Variants in DGKB observed in about 807,000 individuals in gnomAD.
DGKB encodes the protein 90 kDa diacylglycerol kinase.
In DGKB, 67 loss-of-function variants were observed where a neutral mutation model predicts 114.3. That is an observed-to-expected ratio of 0.59 (90% confidence interval 0.48 to 0.72). DGKB has a LOEUF of 0.72. DGKB is among the 30% of genes least tolerant of loss of function. The pLI, the probability that DGKB is intolerant of heterozygous loss-of-function variation, is 0.00. For missense variants in DGKB, 907 were observed against 975.2 expected, an observed-to-expected ratio of 0.93 and a Z score of 0.93; for synonymous variants, 398 against 323.1, an observed-to-expected ratio of 1.23 and a Z score of -2.49.
chr7:14,458,756 G>A (rs1832660628), intron 21 of DGKB, among the ~76,000 whole-genome samples: 1 of 152,154 alleles, frequency 6.6e-6, no homozygotes, highest in African/African-American at 2.4e-5. Flanking sequence ...TGGGTTTCAA[G>A]TACAAAATTG....
At chr7:14,205,488 AC>A (rs1171874263) in intron 23 of DGKB, among the ~76,000 whole-genome samples, 1 of 151,932 alleles carries the variant, frequency 6.6e-6, no homozygotes, top group Non-Finnish European at 1.5e-5. Flanking sequence ...AATCTGGTTC[AC>A]AGAATTGTTT....
At chr7:14,917,636 C>A (rs1372080957) in intron 1 of DGKB, among the ~76,000 whole-genome samples, 1 of 151,886 alleles carries the variant, frequency 6.6e-6, no homozygotes, top group African/African-American at 2.4e-5. Flanking sequence ...CAATGATTAA[C>A]CTTTTAAAGC....
chr7:14,610,433 G>A (rs141504255), intron 16 of DGKB, among the ~76,000 whole-genome samples: 4 of 151,960 alleles, frequency 2.6e-5, no homozygotes, highest in African/African-American at 4.8e-5. Flanking sequence ...TGGGTACTAC[G>A]CTTGCTACCT....
intron 23 of DGKB, among the ~76,000 whole-genome samples, chr7:14,313,921 G>T (rs148495325): frequency 6.6e-6 from 1 of 152,200 alleles, no homozygotes; most frequent in African/African-American, 2.4e-5. Flanking sequence ...CTCCCAGTGC[G>T]CAGCCAGAGA....
At chr7:14,320,055 T>A (rs1318812462) in intron 23 of DGKB, among the ~76,000 whole-genome samples, 2 of 152,190 alleles carry the variant, frequency 1.3e-5, no homozygotes, top group Non-Finnish European at 2.9e-5. Flanking sequence ...AGCCCTTTTT[T>A]AGAAGCACAC....
rs116630766 is a variant in DGKB, at chr7:14,713,402, G to A, written c.466+5140C>T. 7.2e-3 allele frequency among the ~76,000 whole-genome samples: 1,048 copies of A among 146,414 alleles called. 14 individuals are homozygous for A. The highest frequency in any genetic ancestry group is 0.023 in the African/African-American group (968 of 41,252). Reference sequence around the variant, plus strand: ...TTCCACTCTTGTATATTTTGATACTGATTTAATAAACTTTAAAAGCAGAGG... The same window carrying A: ...TTCCACTCTTGTATATTTTGATACTAATTTAATAAACTTTAAAAGCAGAGG... On this transcript the variant is annotated intron_variant, in intron 6 of 25. Transcript: ENST00000402815.
intron 21 of DGKB, among the ~76,000 whole-genome samples, chr7:14,448,101 T>C (rs1374850821): frequency 6.6e-6 from 1 of 152,074 alleles, no homozygotes; most frequent in African/African-American, 2.4e-5. Context: ...CAAGACAGTA[T>C]GCTGAGTGCT....
At chr7:14,599,159 G>A (rs1351788528) in intron 17 of DGKB, among the ~76,000 whole-genome samples, 4 of 152,188 alleles carry the variant, frequency 2.6e-5, no homozygotes, top group Non-Finnish European at 5.9e-5. Flanking sequence ...TTGGAGGGCT[G>A]CCAAACACAT....
chr7:14,571,448 T>G (rs1798369068), intron 20 of DGKB, among the ~76,000 whole-genome samples: 1 of 152,180 alleles, frequency 6.6e-6, no homozygotes, highest in South Asian at 2.1e-4. Context: ...TAGCCTGAGT[T>G]TGTGAAACTG....
intron 23 of DGKB, among the ~76,000 whole-genome samples, chr7:14,225,877 T>C (rs941848533): frequency 6.6e-6 from 1 of 152,002 alleles, no homozygotes; most frequent in South Asian, 2.1e-4. Context: ...ATTTATTTAC[T>C]ACTTAAAAAT....
chr7:14,867,381 C>G (rs896782275), intron 1 of DGKB, among the ~76,000 whole-genome samples: 10 of 151,422 alleles, frequency 6.6e-5, no homozygotes, highest in African/African-American at 2.4e-4. Context: ...CAATTAATTT[C>G]AAGTTAATTT....
At chr7:14,449,959 C>G (rs939542595) in intron 21 of DGKB, among the ~76,000 whole-genome samples, 4 of 151,868 alleles carry the variant, frequency 2.6e-5, no homozygotes, top group South Asian at 2.1e-4. Flanking sequence ...GGAAAGTAAA[C>G]AAAGTAGTGA....
rs947328375 is a variant in DGKB at position 14,167,088 on chromosome 7, G to T, written c.2304+9751C>A. ...TACCTGAGCGTAGTAGTGTGTGCCTGTAGTCCCAGCTACTAGGGAGGCTGA... is the reference window on the plus strand; with the variant it reads ...TACCTGAGCGTAGTAGTGTGTGCCTTTAGTCCCAGCTACTAGGGAGGCTGA... On this transcript the variant is annotated intron_variant, in intron 25 of 25. Transcript: ENST00000402815. Among the ~76,000 whole-genome samples the T allele has an allele frequency of 2.0e-5, 3 of 151,620 alleles. No homozygotes were observed. The Admixed American group carries it at 2.0e-4, about 10-fold the overall frequency.
At chr7:14,852,850 A>G (rs1311838343) in intron 1 of DGKB, among the ~76,000 whole-genome samples, 1 of 152,172 alleles carries the variant, frequency 6.6e-6, no homozygotes, top group African/African-American at 2.4e-5. Flanking sequence ...GCTTAAGAAA[A>G]CAGAAACTTA....
At chr7:14,437,786 T>G (rs1829499455) in intron 21 of DGKB, among the ~76,000 whole-genome samples, 1 of 150,430 alleles carries the variant, frequency 6.6e-6, no homozygotes, top group Non-Finnish European at 1.5e-5. Flanking sequence ...TCCCTAGGGT[T>G]ATCTCGTAAG....
chr7:14,762,490 C>G (rs1835852916), intron 2 of DGKB, among the ~76,000 whole-genome samples: 1 of 152,022 alleles, frequency 6.6e-6, no homozygotes, highest in Admixed American at 6.6e-5. Flanking sequence ...ATTAAAGACC[C>G]TTTACATTAG....
At chr7:14,883,278 G>A (rs1286660633) in intron 1 of DGKB, among the ~76,000 whole-genome samples, 5 of 151,704 alleles carry the variant, frequency 3.3e-5, no homozygotes, top group Non-Finnish European at 5.9e-5. Flanking sequence ...ATATTTGTTT[G>A]CAAAGTTTTA....
At chr7:14,652,342 G>A (rs760293377) in intron 13 of DGKB, among the ~76,000 whole-genome samples, 5 of 151,936 alleles carry the variant, frequency 3.3e-5, no homozygotes, top group East Asian at 1.9e-4. Flanking sequence ...CAGAAATAAC[G>A]CCGCATATCT....
At chr7:14,255,457 G>C (rs940723870) in intron 23 of DGKB, among the ~76,000 whole-genome samples, 1 of 152,036 alleles carries the variant, frequency 6.6e-6, no homozygotes, top group South Asian at 2.1e-4. Flanking sequence ...CCCTAATTAA[G>C]TGGGAAGAAA....
Sources: gnomAD v4.1 joint callset for allele counts (sites outside exome capture counted in the v4.1 genomes callset) on GRCh38, gnomAD v4.1.1 for gene constraint, MANE v1.5 for transcripts, NCBI Gene and HGNC (gene_info 2026-07-23, HGNC 2026-07-21) for gene names.